FUT8: variants seen among roughly 807,000 people sequenced by gnomAD.
FUT8 encodes fucosyltransferase 8, also known as alpha-(1,6)-fucosyltransferase.
Under a neutral mutation model 71.3 loss-of-function variants are expected in FUT8, and 29 were observed. That is an observed-to-expected ratio of 0.41 (90% CI 0.30 to 0.55). FUT8 has a LOEUF of 0.55. FUT8 is among the 20% of genes least tolerant of loss of function. The probability of loss-of-function intolerance (pLI) is 0.34; values close to 1 mark genes in which losing one functional copy is unlikely to be tolerated. For missense variants in FUT8, 544 were observed against 702.1 expected, an observed-to-expected ratio of 0.77 and a Z score of 2.55; for synonymous variants, 254 against 239.3, an observed-to-expected ratio of 1.06 and a Z score of -0.57.
At chr14:65,697,935 A>C (rs1040823114) in intron 7 of FUT8, among the ~76,000 whole-genome samples, 2 of 151,926 alleles carry the variant, frequency 1.3e-5, no homozygotes, top group Non-Finnish European at 2.9e-5. Context: ...AGATCACGCC[A>C]TTCTGAGATC....
chr14:65,372,086 C>T, the FUT8 span, among the ~76,000 whole-genome samples: 208 of 152,142 alleles, frequency 1.4e-3, no homozygotes, highest in African/African-American at 4.8e-3. Context: ...GAAAACTGAC[C>T]CTTGTTATCT....
chr14:65,621,004 G>T (rs1050607926), intron 5 of FUT8, among the ~76,000 whole-genome samples: 1 of 152,038 alleles, frequency 6.6e-6, no homozygotes, highest in Admixed American at 6.6e-5. Context: ...AATAAAGTTT[G>T]CATTAGAAGA....
intron 2 of FUT8, among the ~76,000 whole-genome samples, chr14:65,533,426 G>A (rs1302018675): frequency 1.3e-5 from 2 of 152,088 alleles, no homozygotes; most frequent in African/African-American, 4.8e-5. Context: ...GTTGCGAATG[G>A]GACTGTTTTC....
intron 6 of FUT8, among the ~76,000 whole-genome samples, chr14:65,641,556 G>C (rs1399296577): frequency 6.6e-6 from 1 of 152,166 alleles, no homozygotes; most frequent in African/African-American, 2.4e-5. Context: ...TCGTATAACA[G>C]TGTAGGTTTA....
chr14:65,553,690 T>C (rs1885420248), intron 2 of FUT8, among the ~76,000 whole-genome samples: 1 of 151,894 alleles, frequency 6.6e-6, no homozygotes, highest in African/African-American at 2.4e-5. Context: ...TGAAAGGTAT[T>C]ATCTAGAATG....
intron 6 of FUT8, among the ~76,000 whole-genome samples, chr14:65,658,009 C>T (rs1891771916): frequency 6.6e-6 from 1 of 151,844 alleles, no homozygotes; most frequent in Non-Finnish European, 1.5e-5. Flanking sequence ...ACCAGCAACC[C>T]CGTTAAAGAG....
At chr14:65,598,740 A>G (rs1044520739) in intron 3 of FUT8, among the ~76,000 whole-genome samples, 1 of 152,180 alleles carries the variant, frequency 6.6e-6, no homozygotes, top group African/African-American at 2.4e-5. Context: ...TGGAAGATAT[A>G]TTTTATTTAG....
chr14:65,537,527 A>G (rs1884400937), intron 2 of FUT8, among the ~76,000 whole-genome samples: 3 of 152,080 alleles, frequency 2.0e-5, no homozygotes, highest in Admixed American at 1.3e-4. Flanking sequence ...AGCTGGGACT[A>G]CAGGCACCTG....
At chr14:65,486,531 T>C (rs946071690) in intron 2 of FUT8, among the ~76,000 whole-genome samples, 5 of 152,190 alleles carry the variant, frequency 3.3e-5, no homozygotes, top group African/African-American at 1.2e-4. Flanking sequence ...CATGGAGGCT[T>C]ACTGAAATAT....
intron 3 of FUT8, among the ~76,000 whole-genome samples, chr14:65,590,517 G>A (rs1235974366): frequency 6.6e-6 from 1 of 152,078 alleles, no homozygotes; most frequent in Non-Finnish European, 1.5e-5. Context: ...AAACTGGGGG[G>A]GAATAATAAT....
rs1454359836 is a variant in FUT8 at position 65,603,747 on chromosome 14, A to G, written c.204-12231A>G. ...AGGCAACAGATAGGACGATGAATGG[A>G]ATAGTACCTCACATCTTAATGTTAA... On this transcript the variant is annotated intron_variant, in intron 3 of 10. Transcript: ENST00000673929. This position sits in a 1 kb window ranked among gnomAD's most constrained non-coding sequence, Gnocchi z 4.5. Among the ~76,000 whole-genome samples, 1 of 151,846 alleles carries G rather than the reference A, an allele frequency of 6.6e-6. No homozygotes were observed. The highest frequency in any genetic ancestry group is 1.5e-5 in the Non-Finnish European group (1 of 67,902).
In FUT8 at chr14:65,511,641, A is replaced by G. The variant is rs1882353914; in HGVS notation, c.-227-49696A>G. Among the ~76,000 whole-genome samples the G allele has an allele frequency of 1.3e-5, 2 of 152,194 alleles. 1 individual carries two copies. The highest frequency in any genetic ancestry group is 4.1e-4 in the South Asian group (2 of 4,832). On this transcript the variant is annotated intron_variant, in intron 2 of 10. Coordinates refer to ENST00000673929, the MANE Select transcript of FUT8 (RefSeq NM_001371533.1). ...GCTGAACTGACCTCTTTATTATTAT[A>G]TAGTGACCTTCTTTGTCTCTTCTTA... is the stretch of plus-strand genomic sequence containing the variant.
At position 65,452,595 on chromosome 14, in the gene FUT8, T is replaced by C. The variant is rs1404889130; in HGVS notation, c.-325-3026T>C. On this transcript the variant is annotated intron_variant, in intron 1 of 10. Coordinates refer to ENST00000673929, the MANE Select transcript of FUT8 (RefSeq NM_001371533.1). ...GGTAGAGTATGAGAAAGGAGAAAGC[T>C]GCAAGAGACAGAAATTCACAGATCT... Among the ~76,000 whole-genome samples the C allele has an allele frequency of 2.0e-5, 3 of 152,282 alleles. No homozygotes were observed. In the East Asian group the frequency reaches 5.8e-4, roughly 29 times the overall value.
At chr14:65,428,239 T>A (rs2065418499) in intron 1 of FUT8, among the ~76,000 whole-genome samples, 1 of 152,184 alleles carries the variant, frequency 6.6e-6, no homozygotes, top group African/African-American at 2.4e-5. Context: ...TGTGTGTGTC[T>A]TTTTCTGGAT....
At chr14:65,571,865 T>A (rs1886495378) in intron 3 of FUT8, among the ~76,000 whole-genome samples, 1 of 152,186 alleles carries the variant, frequency 6.6e-6, no homozygotes, top group African/African-American at 2.4e-5. Context: ...CATTGTTACC[T>A]GTTTTTTCTT....
chr14:65,471,184 C>A, intron 2 of FUT8: 1 of 222,864 alleles, frequency 4.5e-6, no homozygotes. Flanking sequence ...ATCCCTCTGC[C>A]CTCTACCAAC....
At chr14:65,546,147 G>A (rs950574225) in intron 2 of FUT8, among the ~76,000 whole-genome samples, 2 of 151,724 alleles carry the variant, frequency 1.3e-5, no homozygotes, top group Admixed American at 1.3e-4. Flanking sequence ...TATACAGTTA[G>A]ATGATATTTC....
intron 7 of FUT8, among the ~76,000 whole-genome samples, chr14:65,698,658 A>G (rs1894121790): frequency 6.6e-6 from 1 of 152,220 alleles, no homozygotes; most frequent in African/African-American, 2.4e-5. Context: ...AATCTCAAAA[A>G]TTACCAAGAA....
chr14:65,650,122 C>T (rs1891298664), intron 6 of FUT8, among the ~76,000 whole-genome samples: 1 of 151,806 alleles, frequency 6.6e-6, no homozygotes, highest in Non-Finnish European at 1.5e-5. Flanking sequence ...CAGTGAAACC[C>T]CGTCTCTACT....
Sources: gnomAD v4.1 joint callset for allele counts (sites outside exome capture counted in the v4.1 genomes callset) on GRCh38, gnomAD v4.1.1 for gene constraint, Gnocchi (gnomAD v3.1) non-coding constraint, MANE v1.5 for transcripts, NCBI Gene and HGNC (gene_info 2026-07-23, HGNC 2026-07-21) for gene names.